SEC16A: variants seen among roughly 807,000 people sequenced by gnomAD.
The protein encoded by SEC16A is SEC16 homolog A, endoplasmic reticulum export factor.
In SEC16A, 110 loss-of-function variants were observed where a neutral mutation model predicts 221.9. That is an observed-to-expected ratio of 0.50 (90% CI 0.42 to 0.58). SEC16A has a LOEUF of 0.58. Among genes scored for constraint, SEC16A ranks in the 20% least tolerant of loss-of-function variants. SEC16A has a pLI of 0.00. For missense variants in SEC16A, 3,165 were observed against 3,097.8 expected (o/e 1.02, Z -0.52); for synonymous variants, 1,393 against 1,257.7 (o/e 1.11, Z -2.28).
upstream of SEC16A, chr9:136,484,354 G>A (rs994394259): frequency 6.1e-6 from 7 of 1,146,616 alleles, no homozygotes; most frequent in Non-Finnish European, 7.6e-6. Context: ...ACGCCCTCCC[G>A]CGGAAGATCG....
intron 1 of SEC16A, among the ~76,000 whole-genome samples, chr9:136,479,564 G>C (rs1417815088): frequency 6.6e-6 from 1 of 152,100 alleles, no homozygotes; most frequent in African/African-American, 2.4e-5. Context: ...ATGTTAGCCA[G>C]GATGGTCTTG....
chr9:136,468,531 C>T lies in SEC16A; in HGVS notation c.3705-19G>A. 3.4e-6 allele frequency: 5 copies of T among 1,472,722 alleles called. No homozygotes were observed. Among genetic ancestry groups the T allele is most frequent in the Non-Finnish European group, 3.8e-6 (4 of 1,052,230 alleles). The allele number at this position is 1,472,722 out of a possible 1,614,324, so 91.2% of individuals were successfully genotyped here. On this transcript the variant is annotated intron_variant, in intron 4 of 31. Transcript: ENST00000684901. ...TCCTTGCCTGAAAAAACACACAGTG[C>T]TGTTAAAACACAAATTACCTATTTC...
Position 136,475,450 on chromosome 9 carries a change from T to G in SEC16A, c.2166A>C (p.Ala722=). The G allele has an allele frequency of 1.2e-6, 2 of 1,609,724 alleles. No individual in the cohort carries two copies. The highest frequency in any genetic ancestry group is 1.7e-6 in the Non-Finnish European group (2 of 1,177,246). The change falls in exon 3 of 32, where the codon GCA becomes GCC. Residue 722 remains alanine (A), a synonymous_variant. Transcript: ENST00000684901. This position sits in a 1 kb window ranked among gnomAD's most constrained non-coding sequence, Gnocchi z 5.0. ...GCTCACTTTGCGCCCACAGAGTCGT[T>G]GCTGGGCTCTCACACTTCACGGGCC... ...TQGPVKCESP[A]TTLWAQSELP...
In SEC16A at chr9:136,454,493, A is replaced by G. The variant is rs756865649; in HGVS notation, c.5858-166T>C. On this transcript the variant is annotated intron_variant, in intron 20 of 31. Transcript: ENST00000684901. Reference sequence around the variant, plus strand: ...AAGCCTGAAGCCACCACCCCACCGCACCATCCGTGGTTTGCAGAAAAGCAG... The same window carrying G: ...AAGCCTGAAGCCACCACCCCACCGCGCCATCCGTGGTTTGCAGAAAAGCAG... Among the ~76,000 whole-genome samples the G allele has an allele frequency of 4.0e-4, 61 of 152,318 alleles. 1 individual carries two copies. Among genetic ancestry groups the G allele is most frequent in the Middle Eastern group, 6.8e-3 (2 of 294 alleles).
At position 136,467,061 on chromosome 9, in the gene SEC16A, G is replaced by A; in HGVS notation, c.3825C>T (p.Tyr1275=). The A allele has an allele frequency of 6.2e-7, 1 of 1,613,538 alleles. No homozygotes were observed. Among genetic ancestry groups the A allele is most frequent in the Non-Finnish European group, 8.5e-7 (1 of 1,179,696 alleles). Residue 1275 remains tyrosine, a synonymous_variant, in exon 6 of 32, where the codon TAC becomes TAT. Transcript: ENST00000684901. ...GGTCCCTGACTCTAGCACTGTAGTG[G>A]TAACGATCCCAGTGACCTGGATCTG... The part of the protein sequence containing the change: ...DYGDPGHWDR[Y]HYSARVRDPR...
At chr9:136,460,170 A>C (rs761111869) in intron 13 of SEC16A, 47 bp from the exon 14 acceptor site, 1 of 1,509,864 alleles carries the variant, frequency 6.6e-7, no homozygotes, top group East Asian at 2.4e-5. Context: ...CTCAGCTAAA[A>C]GAAAAAAGCC....
Position 136,475,231 on chromosome 9 carries a change from G to A in SEC16A, c.2385C>T (p.Pro795=). The stretch of plus-strand genomic sequence containing the variant: ...GAAGGGCCTCCTCCTCTCCCATTTT[G>A]GGAGGATTCTCAAGGTTCTCAGAAG... ...IGASENLENP[P]KMGEEEALQS... The change falls in exon 3 of 32, where the codon CCC becomes CCT. Residue 795 remains proline (P), a synonymous_variant. Coordinates refer to ENST00000684901, the MANE Select transcript of SEC16A (RefSeq NM_014866.2). This position sits in a 1 kb window ranked among gnomAD's most constrained non-coding sequence, Gnocchi z 5.0. The A allele has an allele frequency of 6.2e-7, 1 of 1,613,636 alleles. No homozygotes were observed. The highest frequency in any genetic ancestry group is 2.2e-5 in the East Asian group (1 of 44,882).
Position 136,451,163 on chromosome 9 carries a change from T to C in SEC16A, c.6312+93A>G, listed in dbSNP as rs527326462. 2.5e-5 allele frequency: 33 copies of C among 1,294,364 alleles called. No homozygotes were observed. In the East Asian group the frequency reaches 5.2e-4, roughly 21 times the overall value. 80.2% of individuals were successfully genotyped at this position (1,294,364 alleles called of 1,614,324 possible). On this transcript the variant is annotated intron_variant, in intron 23 of 31. Coordinates refer to ENST00000684901, the MANE Select transcript of SEC16A (RefSeq NM_014866.2). ...TGTTTGTATCAGGAGGCTATTTGCA[T>C]GTGTGGTGAATTAAGAGGATGGCGC...
rs1837068676 is a variant in SEC16A, at chr9:136,446,877, G to A, written c.6770C>T (p.Pro2257Leu). Residue 2257 changes from proline (P) to leucine (L), a missense_variant, in exon 28 of 32, where the codon CCA becomes CTA. This residue lies in a region of SEC16A where 1,088 missense variants were observed against 1,089.6 expected (regional missense o/e 1.00). Transcript: ENST00000684901. ...CACCTTGGGCTCTGGGGCAGGCTCT[G>A]GATTGGCCAGGCCCCTAGCTGCTGC... ...GPAAARGLANPEPAPEPKVLS... is the reference protein window; with the variant it reads ...GPAAARGLANLEPAPEPKVLS... 1 of 1,611,054 alleles carries A rather than the reference G, an allele frequency of 6.2e-7. No homozygotes were observed. The highest frequency in any genetic ancestry group is 1.3e-5 in the African/African-American group (1 of 74,846).
In SEC16A at chr9:136,472,021, G is replaced by C. The variant is rs963694165; in HGVS notation, c.3658C>G (p.Arg1220Gly). 5.0e-6 allele frequency: 8 copies of C among 1,611,762 alleles called. No homozygotes were observed. Among genetic ancestry groups the C allele is most frequent in the South Asian group, 1.1e-5 (1 of 91,080 alleles). The change falls in exon 4 of 32, where the codon CGG becomes GGG. Residue 1220 changes from arginine to glycine, a missense_variant. Transcript: ENST00000684901. ...GAGTGGCTGGCTCGGGAGCTGGGCCGCTCGGGCTCGGGATAGCGGTAGTTC... is the reference window on the plus strand; with the variant it reads ...GAGTGGCTGGCTCGGGAGCTGGGCCCCTCGGGCTCGGGATAGCGGTAGTTC... ...AQNYRYPEPE[R>G]PSSRASHSSE...
At chr9:136,469,742 C>T (rs775203711) in intron 4 of SEC16A, among the ~76,000 whole-genome samples, 4 of 152,244 alleles carry the variant, frequency 2.6e-5, no homozygotes, top group Non-Finnish European at 4.4e-5. Flanking sequence ...TTCCCACGCC[C>T]CTTCAGGAGA....
rs1564489911 is a variant in SEC16A at position 136,459,886 on chromosome 9, A to G, written c.5074-12T>C. Reference sequence around the variant, plus strand: ...TCGTCTCCACAGCACTAACATGAGGAAAAACAAAACGAAGCCTCATCCCCG... The same window carrying G: ...TCGTCTCCACAGCACTAACATGAGGGAAAACAAAACGAAGCCTCATCCCCG... On this transcript the variant is annotated splice_polypyrimidine_tract_variant and intron_variant, in intron 14 of 31. Coordinates refer to ENST00000684901, the MANE Select transcript of SEC16A (RefSeq NM_014866.2). The surrounding 1 kb of genome is among the most constrained non-coding windows in gnomAD (Gnocchi z 6.1). 6.2e-7 allele frequency: 1 copy of G among 1,608,878 alleles called. No homozygotes were observed. Among genetic ancestry groups the G allele is most frequent in the Non-Finnish European group, 8.5e-7 (1 of 1,176,674 alleles).
Position 136,478,781 on chromosome 9 carries a change from C to G in SEC16A, c.-142G>C, listed in dbSNP as rs1841967436. On this transcript the variant is annotated 5_prime_UTR_variant, in exon 2 of 32. Coordinates refer to ENST00000684901, the MANE Select transcript of SEC16A (RefSeq NM_014866.2). ...TCCATGAGTTCGAGGCTGCAGTGAG[C>G]TATGATTATACCACCGCGGTCCAGC... 6.6e-6 allele frequency among the ~76,000 whole-genome samples: 1 copy of G among 152,140 alleles called. No homozygotes were observed.
At position 136,473,201 on chromosome 9, in the gene SEC16A, C is replaced by T. The variant is rs187127937; in HGVS notation, c.3567+848G>A. On this transcript the variant is annotated intron_variant, in intron 3 of 31. Transcript: ENST00000684901. Reference sequence around the variant, plus strand: ...GGCGGGCCCCCTTCTGACTGCAAGGCCTTCCTGTGTGGCCCCAAGTCTGGT... The same window carrying T: ...GGCGGGCCCCCTTCTGACTGCAAGGTCTTCCTGTGTGGCCCCAAGTCTGGT... 2.6e-5 allele frequency among the ~76,000 whole-genome samples: 4 copies of T among 152,388 alleles called. No homozygotes were observed. The East Asian group carries it at 5.8e-4, about 22-fold the overall frequency.
chr9:136,460,245 C>G, intron 13 of SEC16A, 122 bp from the exon 14 acceptor site: 1 of 692,110 alleles, frequency 1.4e-6, no homozygotes. Context: ...GGCGGATCAC[C>G]TGAGGTCAGA....
chr9:136,466,525 C>T lies in SEC16A; in HGVS notation c.3930-63G>A. 2.0e-6 allele frequency: 3 copies of T among 1,463,470 alleles called. No homozygotes were observed. The highest frequency in any genetic ancestry group is 2.4e-5 in the East Asian group (1 of 40,896). 90.7% of individuals were successfully genotyped at this position (1,463,470 alleles called of 1,614,324 possible). ...GTGCCGGAGGCCCCGTCCCCATGTG[C>T]CACGCAGCTGCCCAGGAGCTGAGAC... On this transcript the variant is annotated intron_variant, in intron 6 of 31. Transcript: ENST00000684901. The surrounding 1 kb of genome is among the most constrained non-coding windows in gnomAD (Gnocchi z 5.5).
chr9:136,484,511 C>T (rs758343607), upstream of SEC16A: 10 of 1,257,724 alleles, frequency 8.0e-6, no homozygotes, highest in South Asian at 1.4e-5. Context: ...CGGCCTTCCT[C>T]TGCTGCTCCT....
At chr9:136,448,034 A>G in intron 24 of SEC16A, 50 bp downstream of exon 24, 1 of 1,571,694 alleles carries the variant, frequency 6.4e-7, no homozygotes, top group East Asian at 2.2e-5. Context: ...AAGTGACAGA[A>G]AAATCATTAC....
In SEC16A at chr9:136,464,239, G is replaced by A. The variant is rs542400689; in HGVS notation, c.4446+181C>T. On this transcript the variant is annotated intron_variant, in intron 9 of 31. Transcript: ENST00000684901. The stretch of plus-strand genomic sequence containing the variant: ...AGACGCTTACAATACTGACTTCTAG[G>A]AGGAAAAATATATGATCAAATAGAA... Among the ~76,000 whole-genome samples, 11 of 152,362 alleles carry A rather than the reference G, an allele frequency of 7.2e-5. No homozygotes were observed. The South Asian group carries it at 1.4e-3, about 20-fold the overall frequency.
Sources: gnomAD v4.1 joint callset for allele counts (sites outside exome capture counted in the v4.1 genomes callset) on GRCh38, gnomAD v4.1.1 for gene constraint, gnomAD v4.1.1 regional missense constraint, Gnocchi (gnomAD v3.1) non-coding constraint, MANE v1.5 for transcripts, NCBI Gene and HGNC (gene_info 2026-07-23, HGNC 2026-07-21) for gene names.